The following IMMP2L variants were observed in gnomAD, a reference collection of about 807,000 sequenced individuals.
The protein encoded by IMMP2L is inner mitochondrial membrane peptidase subunit 2.
IMMP2L carries 18 observed loss-of-function variants against 19.3 expected under a neutral mutation model. The ratio of observed to expected loss-of-function variants is 0.93; its 90% CI spans 0.64 to 1.38. The LOEUF (loss-of-function observed/expected upper bound fraction) is 1.38. Ranked by LOEUF, IMMP2L falls within the 40% of genes most tolerant of loss-of-function variation. The probability of loss-of-function intolerance (pLI) is 0.00; values close to 1 mark genes in which losing one functional copy is unlikely to be tolerated. For missense variants in IMMP2L, 233 were observed against 218.2 expected, an observed-to-expected ratio of 1.07 and a Z score of -0.43; for synonymous variants, 76 against 73.0, an observed-to-expected ratio of 1.04 and a Z score of -0.21.
chr7:111,492,303 A>G, intron 2 of IMMP2L: 1 of 691,112 alleles, frequency 1.4e-6, no homozygotes, highest in African/African-American at 1.9e-5. Flanking sequence ...AGCCCACTCC[A>G]GCCCCCAAAT....
intron 3 of IMMP2L, among the ~76,000 whole-genome samples, chr7:111,455,850 T>TAAC: frequency 9.4e-6 from 1 of 106,248 alleles, no homozygotes; most frequent in Middle Eastern, 4.0e-3. Context: ...CATGCACAGA[T>TAAC]AACAACTCCA....
At chr7:111,299,539 T>A (rs1170489997) in intron 3 of IMMP2L, among the ~76,000 whole-genome samples, 1 of 150,952 alleles carries the variant, frequency 6.6e-6, no homozygotes, top group African/African-American at 2.4e-5. Flanking sequence ...TTAGTGGGGT[T>A]TTCCCAGATA....
At chr7:110,995,278 G>A (rs771386326) in intron 3 of IMMP2L, among the ~76,000 whole-genome samples, 16 of 152,128 alleles carry the variant, frequency 1.1e-4, no homozygotes, top group Non-Finnish European at 1.2e-4. Context: ...ATCAGACCAC[G>A]TGCTAGAACT....
chr7:110,768,500 A>G (rs1300153927), intron 5 of IMMP2L, among the ~76,000 whole-genome samples: 1 of 152,038 alleles, frequency 6.6e-6, no homozygotes, highest in African/African-American at 2.4e-5. Context: ...AGCTTCCTTC[A>G]GCTTTCTTCA....
intron 3 of IMMP2L, among the ~76,000 whole-genome samples, chr7:111,078,394 A>G (rs1432566164): frequency 6.6e-6 from 1 of 152,140 alleles, no homozygotes; most frequent in Non-Finnish European, 1.5e-5. Flanking sequence ...ACTTAAAGCA[A>G]TCCGGTCCAC....
At chr7:111,232,076 GATTA>G (rs1313393856) in intron 3 of IMMP2L, among the ~76,000 whole-genome samples, 1 of 151,854 alleles carries the variant, frequency 6.6e-6, no homozygotes, top group East Asian at 1.9e-4. Flanking sequence ...ATGTGTACTA[GATTA>G]ATAAATATTT....
At chr7:110,810,291 T>G (rs1801947374) in intron 5 of IMMP2L, among the ~76,000 whole-genome samples, 1 of 152,086 alleles carries the variant, frequency 6.6e-6, no homozygotes, top group African/African-American at 2.4e-5. Flanking sequence ...TCTGGCCCAT[T>G]GAGTAAAAAG....
At chr7:110,820,557 A>G (rs1051033877) in intron 5 of IMMP2L, among the ~76,000 whole-genome samples, 1 of 151,726 alleles carries the variant, frequency 6.6e-6, no homozygotes, top group Non-Finnish European at 1.5e-5. Context: ...TATGAGTATT[A>G]TCTGACACAC....
intron 5 of IMMP2L, among the ~76,000 whole-genome samples, chr7:110,811,811 T>C (rs1802060128): frequency 6.6e-6 from 1 of 152,012 alleles, no homozygotes; most frequent in South Asian, 2.1e-4. Context: ...CACCCTTCCC[T>C]AGTTGTTAGT....
intron 5 of IMMP2L, among the ~76,000 whole-genome samples, chr7:110,670,768 A>T (rs1162791456): frequency 6.6e-6 from 1 of 152,152 alleles, no homozygotes; most frequent in Non-Finnish European, 1.5e-5. Context: ...GAAATGTCCT[A>T]ATACTGACTC....
chr7:110,842,215 G>C (rs937594066), intron 5 of IMMP2L, among the ~76,000 whole-genome samples: 1 of 152,090 alleles, frequency 6.6e-6, no homozygotes, highest in African/African-American at 2.4e-5. Context: ...TGAACAGGGA[G>C]AACAGGAAGA....
At chr7:111,499,896 A>G (rs569830922) in intron 2 of IMMP2L, among the ~76,000 whole-genome samples, 2 of 152,174 alleles carry the variant, frequency 1.3e-5, no homozygotes, top group Admixed American at 6.5e-5. Flanking sequence ...AAGACGGGTG[A>G]TTTCTGCATT....
chr7:111,253,675 A>AT (rs1816389533), intron 3 of IMMP2L, among the ~76,000 whole-genome samples: 1 of 152,176 alleles, frequency 6.6e-6, no homozygotes, highest in Admixed American at 6.5e-5. Flanking sequence ...ATGCAAACTA[A>AT]TTGAGGTCAA....
chr7:110,980,026 AC>A (rs1159284473), intron 3 of IMMP2L, among the ~76,000 whole-genome samples: 2 of 152,126 alleles, frequency 1.3e-5, no homozygotes, highest in Non-Finnish European at 2.9e-5. Context: ...TATTTTTATA[AC>A]ATGACTTCAG....
At chr7:111,447,102 C>T (rs867313567) in intron 3 of IMMP2L, among the ~76,000 whole-genome samples, 64 of 136,994 alleles carry the variant, frequency 4.7e-4, no homozygotes, top group East Asian at 8.7e-4. Flanking sequence ...GAAAGTGATG[C>T]GGAGAATGGA....
intron 4 of IMMP2L, among the ~76,000 whole-genome samples, chr7:110,892,293 C>T (rs561473427): frequency 6.6e-6 from 1 of 152,118 alleles, no homozygotes; most frequent in Admixed American, 6.6e-5. Flanking sequence ...CACAAACCAT[C>T]GTCTGCTTTG....
At chr7:111,308,394 T>A (rs554138328) in intron 3 of IMMP2L, among the ~76,000 whole-genome samples, 3 of 152,062 alleles carry the variant, frequency 2.0e-5, no homozygotes, top group South Asian at 4.1e-4. Flanking sequence ...AATCTGGAGA[T>A]TGAAGACGTA....
intron 4 of IMMP2L, among the ~76,000 whole-genome samples, chr7:110,904,263 C>T (rs991734470): frequency 6.6e-6 from 1 of 152,146 alleles, no homozygotes; most frequent in Non-Finnish European, 1.5e-5. Flanking sequence ...TGACATAGTG[C>T]CACTCGTTTA....
chr7:110,840,025 G>T (rs1027566505), intron 5 of IMMP2L, among the ~76,000 whole-genome samples: 8 of 118,662 alleles, frequency 6.7e-5, no homozygotes, highest in African/African-American at 4.1e-4. Context: ...AGCCAGCAGA[G>T]GGCCAATGAG....
Sources: allele counts gnomAD v4.1 joint callset (sites outside exome capture counted in the v4.1 genomes callset), GRCh38; gene constraint gnomAD v4.1.1; transcripts MANE v1.5; gene names NCBI Gene and HGNC (gene_info 2026-07-23, HGNC 2026-07-21).